The following CACNG3 variants were observed in gnomAD, a reference collection of about 807,000 sequenced individuals.
CACNG3 encodes calcium voltage-gated channel auxiliary subunit gamma 3, also known as voltage-dependent calcium channel gamma-3 subunit.
Under a neutral mutation model 28.5 loss-of-function variants are expected in CACNG3, and 3 were observed. The ratio of observed to expected loss-of-function variants is 0.11; its 90% CI spans 0.05 to 0.27. CACNG3 has a LOEUF of 0.27. Among genes scored for constraint, CACNG3 ranks in the 10% least tolerant of loss-of-function variants. The pLI is 1.00. For missense variants in CACNG3, 236 were observed against 414.4 expected (o/e 0.57, Z 3.74); for synonymous variants, 174 against 162.2 (o/e 1.07, Z -0.55).
chr16:24,328,735 A>C (rs892358648), intron 1 of CACNG3, among the ~76,000 whole-genome samples: 1 of 152,278 alleles, frequency 6.6e-6, no homozygotes, highest in African/African-American at 2.4e-5. Flanking sequence ...AGGCAGAAAG[A>C]GCATCAGCTG....
intron 1 of CACNG3, among the ~76,000 whole-genome samples, chr16:24,277,587 C>T (rs1052487699): frequency 4.6e-5 from 7 of 151,864 alleles, no homozygotes; most frequent in Non-Finnish European, 8.8e-5. Flanking sequence ...CCAGGCTGGC[C>T]GAAATGGTGA....
chr16:24,303,546 C>G (rs1218623837), intron 1 of CACNG3, among the ~76,000 whole-genome samples: 1 of 152,016 alleles, frequency 6.6e-6, no homozygotes, highest in Non-Finnish European at 1.5e-5. Context: ...ACTCCCACCC[C>G]CCACCACCTC....
At chr16:24,344,660 T>C (rs1899837268) in intron 1 of CACNG3, among the ~76,000 whole-genome samples, 1 of 152,218 alleles carries the variant, frequency 6.6e-6, no homozygotes, top group Admixed American at 6.5e-5. Flanking sequence ...CTCCTGAACC[T>C]CCTTCCTGGT....
chr16:24,306,676 A>G (rs147410507), intron 1 of CACNG3, among the ~76,000 whole-genome samples: 136 of 152,250 alleles, frequency 8.9e-4, no homozygotes, highest in African/African-American at 2.9e-3. Context: ...TACAGTTTGC[A>G]TCGGGCAGGA....
intron 1 of CACNG3, among the ~76,000 whole-genome samples, chr16:24,289,147 C>T: frequency 6.6e-6 from 1 of 152,098 alleles, no homozygotes; most frequent in Non-Finnish European, 1.5e-5. Context: ...GCATCCCTCC[C>T]AAACGACCCA....
intron 1 of CACNG3, among the ~76,000 whole-genome samples, chr16:24,308,634 C>T (rs754068379): frequency 3.9e-5 from 6 of 151,942 alleles, no homozygotes; most frequent in East Asian, 3.9e-4. Flanking sequence ...GTGAGAGGAT[C>T]GCTTGTGCTC....
chr16:24,304,373 A>G (rs1018837507), intron 1 of CACNG3, among the ~76,000 whole-genome samples: 2 of 152,202 alleles, frequency 1.3e-5, no homozygotes, highest in African/African-American at 4.8e-5. Flanking sequence ...TTTAAAAATT[A>G]AAGTGCATGT....
chr16:24,333,118 A>T (rs1405349716), intron 1 of CACNG3, among the ~76,000 whole-genome samples: 3 of 152,222 alleles, frequency 2.0e-5, no homozygotes, highest in African/African-American at 7.2e-5. Context: ...CTGCTGTGAA[A>T]GTCAAACTTT....
At chr16:24,276,029 T>G (rs1331212598) in intron 1 of CACNG3, among the ~76,000 whole-genome samples, 1 of 152,196 alleles carries the variant, frequency 6.6e-6, no homozygotes. Flanking sequence ...ATATTCACAG[T>G]TATTTCAAAA....
Position 24,345,950 on chromosome 16 carries a change from GCACAACTGCA to G in CACNG3, c.212-781_212-772del, listed in dbSNP as rs556955083. On this transcript the variant is annotated intron_variant, in intron 1 of 3. Transcript: ENST00000005284. ...TATTTAGGTTGGTGCAAAAGTAATTGCACAACTGCACAATTACTTTTACATCAACCTAAAT... is the reference window on the plus strand; with the variant it reads ...TATTTAGGTTGGTGCAAAAGTAATTGCAATTACTTTTACATCAACCTAAAT... Among the ~76,000 whole-genome samples the G allele has an allele frequency of 5.9e-5, 9 of 152,056 alleles. No individual in the cohort carries two copies. The East Asian group carries it at 1.5e-3, about 26-fold the overall frequency.
intron 1 of CACNG3, among the ~76,000 whole-genome samples, chr16:24,309,786 G>A (rs1899235988): frequency 6.6e-6 from 1 of 152,182 alleles, no homozygotes; most frequent in Non-Finnish European, 1.5e-5. Context: ...TACAGAGGAG[G>A]AGATGTATTC....
At chr16:24,321,015 G>A (rs1303629041) in intron 1 of CACNG3, among the ~76,000 whole-genome samples, 3 of 152,126 alleles carry the variant, frequency 2.0e-5, no homozygotes, top group Non-Finnish European at 4.4e-5. Context: ...TTACAGGTGT[G>A]AGCCAATGCA....
chr16:24,313,336 G>A (rs932823635), intron 1 of CACNG3, among the ~76,000 whole-genome samples: 1 of 152,054 alleles, frequency 6.6e-6, no homozygotes, highest in Non-Finnish European at 1.5e-5. Flanking sequence ...GCCAAACAAC[G>A]TGCCCCAGGT....
At chr16:24,347,559 T>C (rs1899886710) in intron 2 of CACNG3, among the ~76,000 whole-genome samples, 1 of 152,154 alleles carries the variant, frequency 6.6e-6, no homozygotes, top group South Asian at 2.1e-4. Flanking sequence ...ATGGGTGATG[T>C]GAGGTGCTAA....
At chr16:24,261,971 T>C (rs1898542868) in intron 1 of CACNG3, among the ~76,000 whole-genome samples, 1 of 152,312 alleles carries the variant, frequency 6.6e-6, no homozygotes, top group Middle Eastern at 3.4e-3. Flanking sequence ...ATTTATTAAC[T>C]ATTCTGTATG....
At chr16:24,343,436 G>A (rs765270301) in intron 1 of CACNG3, among the ~76,000 whole-genome samples, 1 of 152,124 alleles carries the variant, frequency 6.6e-6, no homozygotes, top group African/African-American at 2.4e-5. Flanking sequence ...GTGGAAAACA[G>A]CAAATAATGA....
Position 24,331,800 on chromosome 16 carries a change from A to G in CACNG3, c.212-14934A>G, listed in dbSNP as rs550549111. 2.0e-5 allele frequency among the ~76,000 whole-genome samples: 3 copies of G among 152,218 alleles called. No individual in the cohort carries two copies. The East Asian group carries it at 5.8e-4, about 29-fold the overall frequency. The stretch of plus-strand genomic sequence containing the variant: ...CACACTAAAGTGCCATACTTCCCCA[A>G]GGCCTTGGCACTTGCAGTTTCCTCT... On this transcript the variant is annotated intron_variant, in intron 1 of 3. Transcript: ENST00000005284.
At chr16:24,271,348 T>C (rs1567207595) in intron 1 of CACNG3, among the ~76,000 whole-genome samples, 1 of 152,244 alleles carries the variant, frequency 6.6e-6, no homozygotes, top group East Asian at 1.9e-4. Flanking sequence ...TGGTCCCTTA[T>C]TATTTTTCAG....
intron 1 of CACNG3, among the ~76,000 whole-genome samples, chr16:24,273,428 G>A (rs1898714935): frequency 6.6e-6 from 1 of 152,106 alleles, no homozygotes; most frequent in Non-Finnish European, 1.5e-5. Context: ...GACTGTCTTA[G>A]CTTCCCATTT....
Sources: allele counts gnomAD v4.1 joint callset (sites outside exome capture counted in the v4.1 genomes callset), GRCh38; gene constraint gnomAD v4.1.1; transcripts MANE v1.5; gene names NCBI Gene and HGNC (gene_info 2026-07-23, HGNC 2026-07-21).